IL34: variants seen among roughly 807,000 people sequenced by gnomAD.
The protein encoded by IL34 is interleukin-34.
IL34 carries 17 observed loss-of-function variants against 25.3 expected under a neutral mutation model. The observed-to-expected ratio is 0.67, with a 90% CI of 0.46 to 1.01. The LOEUF is 1.01. Ranked by LOEUF, IL34 falls within the 50% of genes least tolerant of loss-of-function variation. The pLI is 0.00. For missense variants in IL34, 368 were observed against 312.9 expected (o/e 1.18, Z -1.33); for synonymous variants, 174 against 140.9 (o/e 1.23, Z -1.66).
chr16:70,624,211 C>T (rs1406851791), intron 1 of IL34, among the ~76,000 whole-genome samples: 1 of 151,940 alleles, frequency 6.6e-6, no homozygotes, highest in East Asian at 1.9e-4. Flanking sequence ...GCCGGCATTC[C>T]TTGGCCCAGT....
intron 1 of IL34, among the ~76,000 whole-genome samples, chr16:70,634,914 A>ATTT (rs1555504975): frequency 4.6e-5 from 7 of 151,760 alleles, no homozygotes; most frequent in African/African-American, 1.7e-4. Context: ...ACAGATCAGC[A>ATTT]GTTCCTTTTA....
rs555254506 is a variant in IL34, at chr16:70,604,725, C to T, written c.-401+24676C>T. Among the ~76,000 whole-genome samples, 15 of 152,312 alleles carry T rather than the reference C, an allele frequency of 9.8e-5. No individual in the cohort carries two copies. In the South Asian group the frequency reaches 1.0e-3, roughly 11 times the overall value. ...AGACAGAAAGGAGTTAGGCAAAGTCCGATAAGGAGCTCCCGGCCTGGGGCC... is the reference window on the plus strand; with the variant it reads ...AGACAGAAAGGAGTTAGGCAAAGTCTGATAAGGAGCTCCCGGCCTGGGGCC... On this transcript the variant is annotated intron_variant, in intron 1 of 6. Coordinates refer to the IL34 transcript ENST00000429149.
upstream of IL34, among the ~76,000 whole-genome samples, chr16:70,641,814 C>T (rs1002589313): frequency 6.6e-6 from 1 of 151,946 alleles, no homozygotes; most frequent in African/African-American, 2.4e-5. Flanking sequence ...CAATCCACCC[C>T]CCCGCAACCT....
chr16:70,602,425 C>A (rs2050931811), intron 1 of IL34, among the ~76,000 whole-genome samples: 1 of 152,042 alleles, frequency 6.6e-6, no homozygotes, highest in African/African-American at 2.4e-5. Flanking sequence ...CCCAGCTACT[C>A]AGGAGGCTGA....
intron 1 of IL34, among the ~76,000 whole-genome samples, chr16:70,584,397 T>C (rs1379368197): frequency 1.3e-5 from 2 of 152,180 alleles, no homozygotes; most frequent in Non-Finnish European, 2.9e-5. Flanking sequence ...TACTGGGGGA[T>C]GTGGATGGGT....
intron 1 of IL34, among the ~76,000 whole-genome samples, chr16:70,611,012 G>C (rs920193315): frequency 6.6e-6 from 1 of 151,926 alleles, no homozygotes; most frequent in Non-Finnish European, 1.5e-5. Flanking sequence ...CTTGCTCTGT[G>C]GCCCAGGCCG....
intron 1 of IL34, among the ~76,000 whole-genome samples, chr16:70,641,327 A>T (rs997551397): frequency 6.6e-6 from 1 of 152,158 alleles, no homozygotes; most frequent in African/African-American, 2.4e-5. Context: ...ATGGATTTTC[A>T]TAGCCATATT....
intron 4 of IL34, 149 bp from the exon 5 acceptor site, chr16:70,659,469 G>A (rs930570931): frequency 1.0e-6 from 1 of 1,004,248 alleles, no homozygotes; most frequent in African/African-American, 1.6e-5. Context: ...GAAGAAGATG[G>A]TGAGAAATAG....
chr16:70,637,115 C>T (rs1258356114), intron 1 of IL34, among the ~76,000 whole-genome samples: 1 of 151,960 alleles, frequency 6.6e-6, no homozygotes, highest in Non-Finnish European at 1.5e-5. Flanking sequence ...CTGCCTCGGC[C>T]TCTCAAAGTG....
intron 1 of IL34, chr16:70,580,164 G>A (rs2050621412): frequency 6.6e-6 from 1 of 152,370 alleles, no homozygotes; most frequent in East Asian, 1.9e-4. Context: ...AGGGACCTGA[G>A]CTAGACTTGA....
At chr16:70,659,516 C>T (rs1466171138) in intron 4 of IL34, 102 bp from the exon 5 acceptor site, 2 of 1,408,116 alleles carry the variant, frequency 1.4e-6, no homozygotes, top group East Asian at 2.4e-5. Flanking sequence ...TCTGGTCCTT[C>T]TTCCGGGGTT....
chr16:70,641,471 T>A (rs1332946147), intron 1 of IL34, among the ~76,000 whole-genome samples: 2 of 152,042 alleles, frequency 1.3e-5, no homozygotes, highest in East Asian at 3.9e-4. Flanking sequence ...TTCAATGGAT[T>A]GAAATACATA....
intron 1 of IL34, among the ~76,000 whole-genome samples, chr16:70,619,389 C>G (rs1372994321): frequency 6.6e-6 from 1 of 151,968 alleles, no homozygotes; most frequent in African/African-American, 2.4e-5. Flanking sequence ...AGCTGTAGTC[C>G]AGGAATAGTC....
intron 1 of IL34, among the ~76,000 whole-genome samples, chr16:70,584,435 C>G (rs574139600): frequency 1.6e-4 from 24 of 152,188 alleles, no homozygotes; most frequent in Non-Finnish European, 3.1e-4. Context: ...TAGAAAGGTT[C>G]AGGTCAAAAT....
At chr16:70,613,390 C>T (rs746186016) in intron 1 of IL34, among the ~76,000 whole-genome samples, 37 of 152,254 alleles carry the variant, frequency 2.4e-4, no homozygotes, top group Non-Finnish European at 4.9e-4. Flanking sequence ...TGAGGCATGG[C>T]GGCCACACTG....
intron 1 of IL34, among the ~76,000 whole-genome samples, chr16:70,639,779 C>A (rs979690237): frequency 2.0e-5 from 3 of 152,048 alleles, no homozygotes; most frequent in Non-Finnish European, 4.4e-5. Flanking sequence ...CATAGTGAGA[C>A]CCTGTCTCTA....
At chr16:70,659,812 C>T in intron 5 of IL34, 59 bp downstream of exon 5, 1 of 1,553,600 alleles carries the variant, frequency 6.4e-7, no homozygotes, top group Non-Finnish European at 8.7e-7. Context: ...TGGGCCCACC[C>T]AGGCCAGCTG....
At chr16:70,582,607 C>A (rs1220989585) in intron 1 of IL34, among the ~76,000 whole-genome samples, 1 of 152,210 alleles carries the variant, frequency 6.6e-6, no homozygotes, top group Non-Finnish European at 1.5e-5. Flanking sequence ...GCAGTTGGCC[C>A]CAAGGAGCCC....
chr16:70,646,467 G>A (rs548449577), upstream of IL34: 5 of 159,558 alleles, frequency 3.1e-5, no homozygotes, highest in Admixed American at 6.5e-5. Context: ...CAGGCCGTGG[G>A]TGCGGTGTGC....
Sources: gnomAD v4.1 joint callset for allele counts (sites outside exome capture counted in the v4.1 genomes callset) on GRCh38, gnomAD v4.1.1 for gene constraint, MANE v1.5 for transcripts, NCBI Gene and HGNC (gene_info 2026-07-23, HGNC 2026-07-21) for gene names.